DCC: variants seen among roughly 807,000 people sequenced by gnomAD.
The protein encoded by DCC is DCC netrin 1 receptor.
Under a neutral mutation model 172.5 loss-of-function variants are expected in DCC, and 58 were observed. That is an observed-to-expected ratio of 0.34 (90% confidence interval 0.27 to 0.42). The LOEUF (loss-of-function observed/expected upper bound fraction) is 0.42, where lower values mean the gene tolerates loss of function less well. DCC is among the 10% of genes least tolerant of loss of function. The pLI, the probability that DCC is intolerant of heterozygous loss-of-function variation, is 1.00. For missense variants in DCC, 1,740 were observed against 1,791.0 expected (o/e 0.97, Z 0.51); for synonymous variants, 709 against 644.5 (o/e 1.10, Z -1.52).
At chr18:52,938,677 A>G (rs1036886244) in intron 5 of DCC, among the ~76,000 whole-genome samples, 5 of 152,180 alleles carry the variant, frequency 3.3e-5, no homozygotes, top group Non-Finnish European at 1.5e-5. Context: ...AATACATATG[A>G]AAACTGTCAA....
chr18:53,091,570 C>T (rs1414030961), intron 7 of DCC, among the ~76,000 whole-genome samples: 1 of 151,400 alleles, frequency 6.6e-6, no homozygotes, highest in Non-Finnish European at 1.5e-5. Flanking sequence ...GGTGAGGACC[C>T]TTTTCTGGGC....
At chr18:53,101,018 T>C (rs537927974) in intron 7 of DCC, among the ~76,000 whole-genome samples, 32 of 152,154 alleles carry the variant, frequency 2.1e-4, no homozygotes, top group Non-Finnish European at 3.5e-4. Context: ...TTCACCTTCA[T>C]CTTGTTCCAC....
intron 2 of DCC, among the ~76,000 whole-genome samples, chr18:52,895,878 G>A (rs1319954948): frequency 6.6e-6 from 1 of 152,038 alleles, no homozygotes; most frequent in Non-Finnish European, 1.5e-5. Flanking sequence ...TCGGCCTCCT[G>A]GGCTCAAGTG....
intron 1 of DCC, among the ~76,000 whole-genome samples, chr18:52,612,439 A>G (rs944428626): frequency 2.0e-5 from 3 of 149,718 alleles, no homozygotes; most frequent in Non-Finnish European, 3.0e-5. Flanking sequence ...CTATAGTCAG[A>G]GTGGCTTTGA....
chr18:53,504,858 G>T (rs1311951434), intron 27 of DCC, among the ~76,000 whole-genome samples: 1 of 152,180 alleles, frequency 6.6e-6, no homozygotes, highest in Non-Finnish European at 1.5e-5. Flanking sequence ...TAGGTAGCTT[G>T]CCCAAGGTCA....
intron 1 of DCC, among the ~76,000 whole-genome samples, chr18:52,682,822 C>T (rs2035771661): frequency 6.6e-6 from 1 of 152,080 alleles, no homozygotes; most frequent in Non-Finnish European, 1.5e-5. Context: ...ACATCAAAAT[C>T]TAAGGGAAGT....
chr18:52,395,010 T>C (rs1666455174), intron 1 of DCC, among the ~76,000 whole-genome samples: 1 of 151,758 alleles, frequency 6.6e-6, no homozygotes, highest in Admixed American at 6.6e-5. Context: ...AGAAGTAAAA[T>C]AAACGGGGAA....
chr18:52,468,873 C>T lies in DCC; in HGVS notation c.91+127995C>T, dbSNP rs1430402244. ...AGTAAAGTGTGTTCTTGTCTAACTG[C>T]TCCTCTCCTTATTTCAGGAATAGAC... On this transcript the variant is annotated intron_variant, in intron 1 of 28. Coordinates refer to ENST00000442544, the MANE Select transcript of DCC (RefSeq NM_005215.4). 3.9e-5 allele frequency among the ~76,000 whole-genome samples: 6 copies of T among 152,016 alleles called. No homozygotes were observed. The South Asian group carries it at 1.2e-3, about 31-fold the overall frequency.
intron 1 of DCC, among the ~76,000 whole-genome samples, chr18:52,589,482 A>G (rs970440983): frequency 6.6e-6 from 1 of 152,162 alleles, no homozygotes; most frequent in African/African-American, 2.4e-5. Context: ...TCCATATGCA[A>G]TATTTGAATG....
chr18:52,977,224 T>A (rs1568223428), intron 5 of DCC, among the ~76,000 whole-genome samples: 2 of 152,152 alleles, frequency 1.3e-5, no homozygotes, highest in Non-Finnish European at 2.9e-5. Context: ...AAATGAAGTG[T>A]CTTATAATGT....
chr18:53,351,398 A>ACTATATATATATACT lies in DCC; in HGVS notation c.2359+11491_2359+11492insCTATATATATATACT, dbSNP rs1568075092. On this transcript the variant is annotated intron_variant, in intron 15 of 28. Transcript: ENST00000442544. ...ATATATATACAGTATATATATATAC[A>ACTATATATATATACT]GTGTATATATATATATATACACACT... is the stretch of plus-strand genomic sequence containing the variant. 3.6e-4 allele frequency among the ~76,000 whole-genome samples: 5 copies of ACTATATATATATACT among 14,084 alleles called. 1 individual carries two copies. Among genetic ancestry groups the ACTATATATATATACT allele is most frequent in the South Asian group, 5.1e-3 (1 of 198 alleles). The allele number at this position is 14,084 out of a possible 152,430, so 9.2% of individuals were successfully genotyped here. A position where few individuals can be genotyped will look rare whatever the true frequency, so the allele number is the denominator to read the frequency against.
intron 1 of DCC, among the ~76,000 whole-genome samples, chr18:52,517,313 A>T (rs796974502): frequency 6.6e-6 from 1 of 152,244 alleles, no homozygotes; most frequent in Non-Finnish European, 1.5e-5. Context: ...CAGTTCAGAG[A>T]CCACTAGTTT....
Position 53,351,426 on chromosome 18 carries a change from GTATATATATATACAGTGTA to G in DCC, c.2359+11534_2359+11552del, listed in dbSNP as rs2057807174. Among the ~76,000 whole-genome samples the G allele has an allele frequency of 2.3e-3, 34 of 14,508 alleles. 3 individuals carry two copies. Among genetic ancestry groups the G allele is most frequent in the African/African-American group, 8.5e-3 (34 of 4,002 alleles). The allele number at this position is 14,508 out of a possible 152,430, so 9.5% of individuals were successfully genotyped here. ...GTATATATATATATATACACACTGT[GTATATATATATACAGTGTA>G]TATATATATATACACAGTGTGTATA... On this transcript the variant is annotated intron_variant, in intron 15 of 28. Coordinates refer to ENST00000442544, the MANE Select transcript of DCC (RefSeq NM_005215.4).
chr18:52,509,831 C>T (rs1325955292), intron 1 of DCC, among the ~76,000 whole-genome samples: 1 of 152,060 alleles, frequency 6.6e-6, no homozygotes, highest in Admixed American at 6.5e-5. Flanking sequence ...GAGCTGGGCA[C>T]GGTGGCTCAC....
intron 7 of DCC, among the ~76,000 whole-genome samples, chr18:53,150,339 TC>T (rs2043979727): frequency 6.6e-6 from 1 of 152,222 alleles, no homozygotes; most frequent in African/African-American, 2.4e-5. Flanking sequence ...AAAGGAGTGT[TC>T]CAGCCAAAGT....
In DCC at chr18:52,730,664, C is replaced by T. The variant is rs117190683; in HGVS notation, c.92-21390C>T. Among the ~76,000 whole-genome samples, 440 of 152,264 alleles carry T rather than the reference C, an allele frequency of 2.9e-3. 3 individuals carry two copies. The highest frequency in any genetic ancestry group is 4.7e-3 in the Admixed American group (72 of 15,290). On this transcript the variant is annotated intron_variant, in intron 1 of 28. Coordinates refer to ENST00000442544, the MANE Select transcript of DCC (RefSeq NM_005215.4). ...AGTACAGCATGACCATGCAAGCTGACACTGGCTGAATTCAAACCTTCTTAA... is the reference window on the plus strand; with the variant it reads ...AGTACAGCATGACCATGCAAGCTGATACTGGCTGAATTCAAACCTTCTTAA...
intron 15 of DCC, among the ~76,000 whole-genome samples, chr18:53,372,145 A>G (rs917780541): frequency 1.3e-5 from 2 of 152,148 alleles, no homozygotes; most frequent in Admixed American, 1.3e-4. Context: ...TTGTTCTACC[A>G]TAAAGACACA....
Position 53,184,764 on chromosome 18 carries a change from G to T in DCC, c.1573+5648G>T, listed in dbSNP as rs536015722. On this transcript the variant is annotated intron_variant, in intron 9 of 28. Transcript: ENST00000442544. ...CTGGGCTGTTGCTGATCAAAACATTGTTATGTGACACTTGGCTGTCATTGG... is the reference window on the plus strand; with the variant it reads ...CTGGGCTGTTGCTGATCAAAACATTTTTATGTGACACTTGGCTGTCATTGG... Among the ~76,000 whole-genome samples, 5 of 152,268 alleles carry T rather than the reference G, an allele frequency of 3.3e-5. No individual in the cohort carries two copies. In the East Asian group the frequency reaches 9.6e-4, roughly 29 times the overall value.
At chr18:52,788,037 C>T (rs1389545119) in intron 2 of DCC, among the ~76,000 whole-genome samples, 1 of 152,122 alleles carries the variant, frequency 6.6e-6, no homozygotes, top group Admixed American at 6.6e-5. Flanking sequence ...GACAGTCTTG[C>T]TGTGCTTTTA....
Sources: allele counts gnomAD v4.1 joint callset (sites outside exome capture counted in the v4.1 genomes callset), GRCh38; gene constraint gnomAD v4.1.1; transcripts MANE v1.5; gene names NCBI Gene and HGNC (gene_info 2026-07-23, HGNC 2026-07-21).